The following SMG7 variants were observed in gnomAD, a reference collection of about 807,000 sequenced individuals.
SMG7 encodes the protein SMG7 nonsense mediated mRNA decay factor, also known as nonsense-mediated mRNA decay factor SMG7.
SMG7 carries 34 observed loss-of-function variants against 148.2 expected under a neutral mutation model. That is an observed-to-expected ratio of 0.23 (90% CI 0.17 to 0.31). The LOEUF is 0.31. Among genes scored for constraint, SMG7 ranks in the 10% least tolerant of loss-of-function variants. The probability of loss-of-function intolerance (pLI) is 1.00; values close to 1 mark genes in which losing one functional copy is unlikely to be tolerated. For synonymous variants in SMG7, 492 were observed against 515.1 expected (o/e 0.96, Z 0.61); for missense variants, 1,114 against 1,408.4 (o/e 0.79, Z 3.35).
At chr1:183,523,032 G>A (rs769185459) in intron 4 of SMG7, among the ~76,000 whole-genome samples, 3 of 151,994 alleles carry the variant, frequency 2.0e-5, no homozygotes, top group Non-Finnish European at 4.4e-5. Context: ...TTAAAGCATG[G>A]GGCTTAAAGC....
intron 1 of SMG7, among the ~76,000 whole-genome samples, chr1:183,492,052 A>G (rs1657181133): frequency 6.6e-6 from 1 of 152,182 alleles, no homozygotes; most frequent in Admixed American, 6.5e-5. Flanking sequence ...ACCTCTTAAT[A>G]CTGTTGTGTT....
chr1:183,526,156 A>T (rs2782413), intron 4 of SMG7, among the ~76,000 whole-genome samples: 3,109 of 96,550 alleles, frequency 0.032, 50 homozygotes, highest in East Asian at 0.067. Flanking sequence ...ATATATATAT[A>T]TTTTTTTTTT....
intron 4 of SMG7, among the ~76,000 whole-genome samples, chr1:183,519,747 T>G (rs1664346521): frequency 6.6e-6 from 1 of 152,204 alleles, no homozygotes; most frequent in African/African-American, 2.4e-5. Flanking sequence ...CCACACTATA[T>G]ATCCATTTTT....
At chr1:183,517,228 T>C (rs1434976381) in intron 3 of SMG7, among the ~76,000 whole-genome samples, 1 of 152,216 alleles carries the variant, frequency 6.6e-6, no homozygotes, top group Non-Finnish European at 1.5e-5. Context: ...CTGAATGCTC[T>C]GGGAAATAAC....
intron 1 of SMG7, among the ~76,000 whole-genome samples, chr1:183,508,779 T>C (rs1017970012): frequency 2.0e-5 from 3 of 152,200 alleles, no homozygotes; most frequent in Non-Finnish European, 4.4e-5. Flanking sequence ...TTTAAAGAGT[T>C]TGCCACTAGA....
At chr1:183,541,159 T>G in intron 13 of SMG7, 56 bp downstream of exon 13, 4 of 1,546,574 alleles carry the variant, frequency 2.6e-6, no homozygotes, top group Non-Finnish European at 3.6e-6. Flanking sequence ...GATAAACACA[T>G]GCGCGCACAC....
At chr1:183,492,905 G>C (rs1383415544) in intron 1 of SMG7, among the ~76,000 whole-genome samples, 1 of 151,854 alleles carries the variant, frequency 6.6e-6, no homozygotes, top group East Asian at 1.9e-4. Context: ...TTTTCATTTG[G>C]CTTAAAATAT....
At position 183,552,791 on chromosome 1, in the gene SMG7, C is replaced by G; in HGVS notation, c.*860C>G. 2.1e-6 allele frequency: 3 copies of G among 1,413,348 alleles called. No individual in the cohort carries two copies. The highest frequency in any genetic ancestry group is 2.8e-6 in the Non-Finnish European group (3 of 1,086,894). 87.6% of individuals were successfully genotyped at this position (1,413,348 alleles called of 1,614,324 possible). A position where few individuals can be genotyped will look rare whatever the true frequency, so the allele number is the denominator to read the frequency against. ...GCAGTCTCACAGAAGGCAGGCTAGT[C>G]CATTCACAGCCTGACACGTTCTAAT... is the stretch of plus-strand genomic sequence containing the variant. On this transcript the variant is annotated 3_prime_UTR_variant, in exon 23 of 23. Transcript: ENST00000688051.
At chr1:183,478,980 G>C (rs908380846) in intron 1 of SMG7, among the ~76,000 whole-genome samples, 2 of 152,276 alleles carry the variant, frequency 1.3e-5, no homozygotes, top group Admixed American at 6.5e-5. Flanking sequence ...TCAGCTGTCT[G>C]GGAAATTGTA....
In SMG7 at chr1:183,546,122, C is replaced by T; in HGVS notation, c.2527C>T (p.Gln843Ter). The change falls in exon 17 of 23, where the codon CAG (glutamine) becomes TAG (stop). Residue 843 changes from glutamine (Q) to a stop codon, truncating the protein, a stop_gained. Transcript: ENST00000688051. LOFTEE classifies it high-confidence loss of function. Reference sequence around the variant, plus strand: ...ATTGCAACCTCCTGTAATGCAGCAGCAGCCTCTAGAAAAAAAAATGAAGCC... The same window carrying T: ...ATTGCAACCTCCTGTAATGCAGCAGTAGCCTCTAGAAAAAAAAATGAAGCC... ...PSLQPPVMQQQPLEKKMKPFP... is the reference protein window; with the variant it reads ...PSLQPPVMQQ 1 of 1,613,970 alleles carries T rather than the reference C, an allele frequency of 6.2e-7. No individual in the cohort carries two copies. Among genetic ancestry groups the T allele is most frequent in the South Asian group, 1.1e-5 (1 of 91,074 alleles).
At chr1:183,531,835 C>T (rs191590113) in intron 8 of SMG7, among the ~76,000 whole-genome samples, 1,692 of 152,044 alleles carry the variant, frequency 0.011, 33 homozygotes, top group African/African-American at 0.039. Flanking sequence ...TCATTTTATG[C>T]CAGTATTATT....
intron 1 of SMG7, among the ~76,000 whole-genome samples, chr1:183,498,693 C>T (rs1659094447): frequency 6.6e-6 from 1 of 152,176 alleles, no homozygotes; most frequent in South Asian, 2.1e-4. Flanking sequence ...AATAGCCTCC[C>T]CTGTTATGAA....
chr1:183,549,987 A>G (rs1182769605), intron 20 of SMG7, 64 bp downstream of exon 20: 1 of 1,069,476 alleles, frequency 9.4e-7, no homozygotes, highest in Non-Finnish European at 1.3e-6. Context: ...ATTAAGGGAT[A>G]GTGAGATTCT....
chr1:183,501,727 C>T (rs1461681628), intron 1 of SMG7, among the ~76,000 whole-genome samples: 1 of 152,082 alleles, frequency 6.6e-6, no homozygotes, highest in African/African-American at 2.4e-5. Context: ...TCATGGTACA[C>T]TTAGTCCTTA....
chr1:183,500,186 T>C (rs933631451), intron 1 of SMG7, among the ~76,000 whole-genome samples: 7 of 152,172 alleles, frequency 4.6e-5, no homozygotes, highest in African/African-American at 1.4e-4. Context: ...TTTGAAGTTA[T>C]AGATTTTATA....
At chr1:183,526,877 GTCATAAGAAGAAAC>G (rs1415933116) in intron 5 of SMG7, 110 bp downstream of exon 5, 9 of 836,034 alleles carry the variant, frequency 1.1e-5, no homozygotes, top group Non-Finnish European at 1.6e-5. Context: ...AATTTAGATT[GTCATAAGAAGAAAC>G]TATAAAATGT....
intron 1 of SMG7, among the ~76,000 whole-genome samples, chr1:183,498,909 A>C (rs566259792): frequency 4.6e-5 from 7 of 152,110 alleles, no homozygotes; most frequent in African/African-American, 1.7e-4. Flanking sequence ...CCACCTGTTC[A>C]TTCCCCCTCT....
In SMG7 at chr1:183,546,161, C is replaced by A; in HGVS notation, c.2566C>A (p.Pro856Thr). The A allele has an allele frequency of 6.2e-7, 1 of 1,614,016 alleles. No homozygotes were observed. Among genetic ancestry groups the A allele is most frequent in the Non-Finnish European group, 8.5e-7 (1 of 1,179,970 alleles). Reference protein sequence around the residue: ...EKKMKPFPMEPYNHNPSEVKV... With the variant: ...EKKMKPFPMETYNHNPSEVKV... ...AAAAATGAAGCCTTTTCCCATGGAG[C>A]CATATAACCATAATCCCTCAGAAGT... is the stretch of plus-strand genomic sequence containing the variant. The change falls in exon 17 of 23, where the codon CCA becomes ACA. Residue 856 changes from proline to threonine, a missense_variant. Transcript: ENST00000688051.
intron 18 of SMG7, 153 bp from the exon 19 acceptor site, chr1:183,549,055 G>C: frequency 1.6e-6 from 1 of 620,552 alleles, no homozygotes; most frequent in Non-Finnish European, 2.8e-6. Flanking sequence ...GTGTCTTGGT[G>C]TTAACAGATT....
Sources: gnomAD v4.1 joint callset for allele counts (sites outside exome capture counted in the v4.1 genomes callset) on GRCh38, gnomAD v4.1.1 for gene constraint, MANE v1.5 for transcripts, NCBI Gene and HGNC (gene_info 2026-07-23, HGNC 2026-07-21) for gene names.